The following SCN4B variants were observed in gnomAD, a reference collection of about 807,000 sequenced individuals.
SCN4B encodes the protein sodium voltage-gated channel beta subunit 4.
Under a neutral mutation model 19.6 loss-of-function variants are expected in SCN4B, and 20 were observed. That is an observed-to-expected ratio of 1.02 (90% CI 0.72 to 1.48). The LOEUF is 1.48. SCN4B is among the 40% of genes most tolerant of loss of function. The pLI is 0.00. For synonymous variants in SCN4B, 127 were observed against 122.8 expected (o/e 1.03, Z -0.22); for missense variants, 271 against 287.5 (o/e 0.94, Z 0.42).
chr11:118,145,034 CTGTT>C lies in SCN4B; in HGVS notation c.234+19_234+22del. 1 of 1,612,424 alleles carries C rather than the reference CTGTT, an allele frequency of 6.2e-7. No individual in the cohort carries two copies. Among genetic ancestry groups the C allele is most frequent in the Non-Finnish European group, 8.5e-7 (1 of 1,178,566 alleles). ...CATGGGTGAGGGAGGCTGGGCTGTA[CTGTT>C]CTTCCTCCAAATACTTACAATCTTG... On this transcript the variant is annotated intron_variant, in intron 2 of 4. Transcript: ENST00000324727.
chr11:118,137,254 G>A (rs998945403), intron 4 of SCN4B, 134 bp from the exon 5 acceptor site: 10 of 715,020 alleles, frequency 1.4e-5, no homozygotes, highest in Non-Finnish European at 2.0e-5. Flanking sequence ...GTAGCCAGAG[G>A]CCATGTCACC....
chr11:118,135,295 C>G lies in SCN4B; in HGVS notation c.*1732G>C. The G allele has an allele frequency of 2.2e-6, 1 of 454,082 alleles. No homozygotes were observed. Among genetic ancestry groups the G allele is most frequent in the Non-Finnish European group, 4.4e-6 (1 of 226,774 alleles). 28.1% of individuals were successfully genotyped at this position (454,082 alleles called of 1,614,324 possible). A position where few individuals can be genotyped will look rare whatever the true frequency, so the allele number is the denominator to read the frequency against. On this transcript the variant is annotated 3_prime_UTR_variant, in exon 5 of 5. Transcript: ENST00000324727. ...AGCCACGGGCACCCTGCAGGTACTA[C>G]TGGTCCTCAGTCTCCCCCCACTCCA...
chr11:118,140,768 T>C (rs1948085588), intron 4 of SCN4B, among the ~76,000 whole-genome samples: 1 of 152,260 alleles, frequency 6.6e-6, no homozygotes, highest in African/African-American at 2.4e-5. Context: ...TTTTCAGAAA[T>C]TCCTAACAGA....
At chr11:118,145,406 ATTCTCCAT>A (rs1948159328) in intron 1 of SCN4B, 177 bp from the exon 2 acceptor site, 1 of 1,524,840 alleles carries the variant, frequency 6.6e-7, no homozygotes, top group African/African-American at 1.4e-5. Context: ...ACCCTCCATC[ATTCTCCAT>A]TTCTCCCCTG....
rs752906618 is a variant in SCN4B, at chr11:118,134,910, G to A, written c.*2117C>T. ...TGGTAGATGGAAAGAGCTGAGCTGA[G>A]AGAAGCTGCATGATCCATCTAGAAA... is the stretch of plus-strand genomic sequence containing the variant. On this transcript the variant is annotated 3_prime_UTR_variant, in exon 5 of 5. Coordinates refer to ENST00000324727, the MANE Select transcript of SCN4B (RefSeq NM_174934.4). 6.8e-5 allele frequency: 31 copies of A among 454,118 alleles called. No individual in the cohort carries two copies. Among genetic ancestry groups the A allele is most frequent in the South Asian group, 4.7e-4 (30 of 64,476 alleles). 28.1% of individuals were successfully genotyped at this position (454,118 alleles called of 1,614,324 possible).
In SCN4B at chr11:118,136,139, G is replaced by A. The variant is rs1038330943; in HGVS notation, c.*888C>T. The A allele has an allele frequency of 8.8e-6, 4 of 452,726 alleles. No homozygotes were observed. The highest frequency in any genetic ancestry group is 2.0e-5 in the African/African-American group (1 of 49,648). The allele number at this position is 452,726 out of a possible 1,614,324, so 28.0% of individuals were successfully genotyped here. On this transcript the variant is annotated 3_prime_UTR_variant, in exon 5 of 5. Coordinates refer to ENST00000324727, the MANE Select transcript of SCN4B (RefSeq NM_174934.4). ...TGGGCTCAGGAGTGCCCAGAGTGGC[G>A]ATGGTCCTGCCATGCCAGGGGAGGG... is the stretch of plus-strand genomic sequence containing the variant.
chr11:118,149,753 C>T (rs577603086), intron 1 of SCN4B, among the ~76,000 whole-genome samples: 1 of 152,224 alleles, frequency 6.6e-6, no homozygotes, highest in Non-Finnish European at 1.5e-5. Context: ...GAGATCCCTA[C>T]ACCTCCTTGA....
At chr11:118,150,494 C>T (rs1343187751) in intron 1 of SCN4B, among the ~76,000 whole-genome samples, 1 of 152,136 alleles carries the variant, frequency 6.6e-6, no homozygotes, top group Non-Finnish European at 1.5e-5. Context: ...TATTCTTCAG[C>T]CCTAAGCACA....
At chr11:118,146,684 G>C (rs1333487553) in intron 1 of SCN4B, among the ~76,000 whole-genome samples, 1 of 152,156 alleles carries the variant, frequency 6.6e-6, no homozygotes, top group Non-Finnish European at 1.5e-5. Context: ...CACACCCCGT[G>C]GTCCAGTAAC....
Position 118,134,518 on chromosome 11 carries a change from G to C in SCN4B, c.*2509C>G, listed in dbSNP as rs1565451127. ...GTGGGGACTAAGTTTAGCATTCTTA[G>C]TAGTGCCCCCACGCATGGGGGCAAC... On this transcript the variant is annotated 3_prime_UTR_variant, in exon 5 of 5. Coordinates refer to ENST00000324727, the MANE Select transcript of SCN4B (RefSeq NM_174934.4). 1 of 454,126 alleles carries C rather than the reference G, an allele frequency of 2.2e-6. No homozygotes were observed. The highest frequency in any genetic ancestry group is 6.9e-5 in the East Asian group (1 of 14,392). 28.1% of individuals were successfully genotyped at this position (454,126 alleles called of 1,614,324 possible). A position where few individuals can be genotyped will look rare whatever the true frequency, so the allele number is the denominator to read the frequency against.
rs1565451502 is a variant in SCN4B, at chr11:118,134,948, C to T, written c.*2079G>A. Reference sequence around the variant, plus strand: ...ATCCATCTAGAAATCAGCAGTAGACCCTGGGGAGGAAAGAGAGGATGGTGC... The same window carrying T: ...ATCCATCTAGAAATCAGCAGTAGACTCTGGGGAGGAAAGAGAGGATGGTGC... On this transcript the variant is annotated 3_prime_UTR_variant, in exon 5 of 5. Coordinates refer to ENST00000324727, the MANE Select transcript of SCN4B (RefSeq NM_174934.4). 1 of 454,004 alleles carries T rather than the reference C, an allele frequency of 2.2e-6. No homozygotes were observed. Among genetic ancestry groups the T allele is most frequent in the Non-Finnish European group, 4.4e-6 (1 of 226,762 alleles). The allele number at this position is 454,004 out of a possible 1,614,324, so 28.1% of individuals were successfully genotyped here. A position where few individuals can be genotyped will look rare whatever the true frequency, so the allele number is the denominator to read the frequency against.
intron 4 of SCN4B, 45 bp downstream of exon 4, chr11:118,141,162 T>A (rs1948091709): frequency 6.2e-7 from 1 of 1,608,910 alleles, no homozygotes; most frequent in African/African-American, 1.3e-5. Context: ...GATGAGAGGG[T>A]GGTGGGCTGC....
In SCN4B at chr11:118,144,078, G is replaced by C. The variant is rs944161150; in HGVS notation, c.235-17C>G. 6.4e-7 allele frequency: 1 copy of C among 1,558,840 alleles called. No individual in the cohort carries two copies. Among genetic ancestry groups the C allele is most frequent in the Non-Finnish European group, 8.8e-7 (1 of 1,130,306 alleles). ...CTCTATGAGCTGGTGGAGGAAGGGAGTTGGGGTGAGAAAGTAGCCGAGAAA... is the reference window on the plus strand; with the variant it reads ...CTCTATGAGCTGGTGGAGGAAGGGACTTGGGGTGAGAAAGTAGCCGAGAAA... On this transcript the variant is annotated splice_polypyrimidine_tract_variant and intron_variant, in intron 2 of 4. Transcript: ENST00000324727.
In SCN4B at chr11:118,152,793, C is replaced by A; in HGVS notation, c.-120G>T. 3.5e-6 allele frequency: 2 copies of A among 565,778 alleles called. No individual in the cohort carries two copies. The highest frequency in any genetic ancestry group is 5.8e-5 in the South Asian group (2 of 34,256). The allele number at this position is 565,778 out of a possible 1,614,324, so 35.0% of individuals were successfully genotyped here. ...TACCCCGGAGCTCTGCGCCGCCGGTCGGGGCTCGGGAAAGTTAGCGGGCAG... is the reference window on the plus strand; with the variant it reads ...TACCCCGGAGCTCTGCGCCGCCGGTAGGGGCTCGGGAAAGTTAGCGGGCAG... On this transcript the variant is annotated 5_prime_UTR_variant, in exon 1 of 5. Transcript: ENST00000324727.
At position 118,137,107 on chromosome 11, in the gene SCN4B, C is replaced by T. The variant is rs150312046; in HGVS notation, c.607G>A (p.Val203Met). Residue 203 changes from valine to methionine, a missense_variant, in exon 5 of 5, where the codon GTG becomes ATG. Val to Met is a conservative substitution (Grantham distance 21). Coordinates refer to ENST00000324727, the MANE Select transcript of SCN4B (RefSeq NM_174934.4). ...GTGTTGTCATTCCCCGAGGAGCTCA[C>T]GAGACACTCCTTCCTGGAGAGGGAG... ...KTREKKKECL[V>M]SSSGNDNTEN... 6.0e-5 allele frequency: 97 copies of T among 1,613,096 alleles called. No homozygotes were observed. The African/African-American group carries it at 1.0e-3, about 17-fold the overall frequency.
At chr11:118,142,290 T>C (rs1948109330) in intron 3 of SCN4B, among the ~76,000 whole-genome samples, 1 of 152,228 alleles carries the variant, frequency 6.6e-6, no homozygotes, top group South Asian at 2.1e-4. Flanking sequence ...CTTGCCCTGC[T>C]CCAGCACTAG....
At chr11:118,145,568 C>T in intron 1 of SCN4B, 1 of 911,928 alleles carries the variant, frequency 1.1e-6, no homozygotes, top group Middle Eastern at 4.5e-4. Flanking sequence ...GACGCAGTGC[C>T]TGGAAGCGCT....
chr11:118,133,441 G>A lies in SCN4B; in HGVS notation c.*3586C>T. On this transcript the variant is annotated 3_prime_UTR_variant, in exon 5 of 5. Coordinates refer to ENST00000324727, the MANE Select transcript of SCN4B (RefSeq NM_174934.4). ...AATACAATTCTACAATGCAAAACTT[G>A]TTGTAGAGGCCAGACTGATTATATC... 2.3e-6 allele frequency: 1 copy of A among 439,322 alleles called. No individual in the cohort carries two copies. The highest frequency in any genetic ancestry group is 1.6e-5 in the South Asian group (1 of 63,330). The allele number at this position is 439,322 out of a possible 1,614,324, so 27.2% of individuals were successfully genotyped here. A position where few individuals can be genotyped will look rare whatever the true frequency, so the allele number is the denominator to read the frequency against.
chr11:118,149,470 G>A (rs566113288), intron 1 of SCN4B, among the ~76,000 whole-genome samples: 1 of 152,224 alleles, frequency 6.6e-6, no homozygotes, highest in Non-Finnish European at 1.5e-5. Context: ...CCCTCCTGGG[G>A]TGCAGGCCCT....
Sources: gnomAD v4.1 joint callset for allele counts (sites outside exome capture counted in the v4.1 genomes callset) on GRCh38, gnomAD v4.1.1 for gene constraint, MANE v1.5 for transcripts, NCBI Gene and HGNC (gene_info 2026-07-23, HGNC 2026-07-21) for gene names.